Variants in PRRG1 observed in about 807,000 individuals in gnomAD.
PRRG1 encodes proline rich and Gla domain 1.
A neutral mutation model predicts 11.8 loss-of-function variants in PRRG1; 5 were observed. The observed-to-expected ratio is 0.42, with a 90% confidence interval of 0.22 to 0.89. The LOEUF is 0.89. Ranked by LOEUF, PRRG1 falls within the 40% of genes least tolerant of loss-of-function variation. The pLI is 0.28. For synonymous variants in PRRG1, 66 were observed against 60.4 expected, an observed-to-expected ratio of 1.09 and a Z score of -0.43; for missense variants, 155 against 166.1, an observed-to-expected ratio of 0.93 and a Z score of 0.37.
At chrX:37,409,005 A>G (rs1556382917) in intron 2 of PRRG1, among the ~76,000 whole-genome samples, 1 of 111,707 alleles carries the variant, frequency 9.0e-6, no homozygotes, top group Non-Finnish European at 1.9e-5. Flanking sequence ...TGACCTTTGA[A>G]CAATGTGGGG....
intron 3 of PRRG1, among the ~76,000 whole-genome samples, chrX:37,437,861 A>C (rs1932902820): frequency 9.0e-6 from 1 of 111,638 alleles, no homozygotes; most frequent in Admixed American, 9.5e-5. Context: ...AAAGGACAAG[A>C]AGCAGCAAAA....
At chrX:37,438,959 C>G (rs930893857) in intron 3 of PRRG1, among the ~76,000 whole-genome samples, 3 of 111,721 alleles carry the variant, frequency 2.7e-5, no homozygotes, top group Non-Finnish European at 3.8e-5. Context: ...GTACAGTCCC[C>G]TCTAGGGCAG....
At chrX:37,365,918 T>C (rs1295090559) in intron 1 of PRRG1, among the ~76,000 whole-genome samples, 1 of 112,070 alleles carries the variant, frequency 8.9e-6, no homozygotes, top group Non-Finnish European at 1.9e-5. Flanking sequence ...GGTGCCTGTA[T>C]TTTGAGTGAT....
intron 1 of PRRG1, among the ~76,000 whole-genome samples, chrX:37,366,497 G>A (rs782166732): frequency 1.7e-4 from 19 of 111,851 alleles, no homozygotes; most frequent in Non-Finnish European, 1.5e-4. Context: ...CTAGGGACTT[G>A]GGGAACTGAT....
intron 1 of PRRG1, among the ~76,000 whole-genome samples, chrX:37,384,773 A>G (rs782144439): frequency 2.7e-5 from 3 of 111,991 alleles, no homozygotes; most frequent in Non-Finnish European, 5.6e-5. Context: ...CTCAAGAGTA[A>G]CAAAGATGAA....
chrX:37,389,115 C>T (rs782317731), intron 1 of PRRG1, among the ~76,000 whole-genome samples: 21 of 111,552 alleles, frequency 1.9e-4, no homozygotes, highest in African/African-American at 6.9e-4. Flanking sequence ...GCCTTTGCTC[C>T]ATTTTCCAGT....
chrX:37,451,621 T>C (rs980618247), intron 3 of PRRG1, among the ~76,000 whole-genome samples: 1 of 111,532 alleles, frequency 9.0e-6, no homozygotes, highest in African/African-American at 3.3e-5. Flanking sequence ...TTCATCTGGA[T>C]TTTTAGGTGA....
At chrX:37,433,721 A>G (rs1556391208) in intron 3 of PRRG1, among the ~76,000 whole-genome samples, 13 of 112,411 alleles carry the variant, frequency 1.2e-4, no homozygotes, top group Non-Finnish European at 7.5e-5. Context: ...TGATGGATGA[A>G]TGAAGGAATG....
intron 1 of PRRG1, among the ~76,000 whole-genome samples, chrX:37,374,891 A>G (rs1930886775): frequency 9.0e-6 from 1 of 111,414 alleles, no homozygotes; most frequent in Non-Finnish European, 1.9e-5. Flanking sequence ...TTTTTTGTCA[A>G]AAGCTGGAAA....
At chrX:37,376,683 C>T (rs1281042627) in intron 1 of PRRG1, among the ~76,000 whole-genome samples, 1 of 102,224 alleles carries the variant, frequency 9.8e-6, no homozygotes, top group Non-Finnish European at 2.0e-5. Context: ...ACTGAATAAT[C>T]TCTTAGCAAC....
intron 1 of PRRG1, among the ~76,000 whole-genome samples, chrX:37,369,502 C>T (rs1930689464): frequency 1.8e-5 from 2 of 111,810 alleles, no homozygotes; most frequent in Admixed American, 1.9e-4. Context: ...TCTACTTTCT[C>T]AGCAATTTTC....
chrX:37,430,274 T>C (rs1383777673), intron 3 of PRRG1, among the ~76,000 whole-genome samples: 1 of 111,881 alleles, frequency 8.9e-6, no homozygotes, highest in Non-Finnish European at 1.9e-5. Context: ...AAATCACACA[T>C]ATGTATACAT....
At chrX:37,393,960 A>C (rs1162851044) in intron 1 of PRRG1, among the ~76,000 whole-genome samples, 1 of 112,189 alleles carries the variant, frequency 8.9e-6, no homozygotes, top group Non-Finnish European at 1.9e-5. Flanking sequence ...GTGAAAAGTC[A>C]TCGAGTTTTA....
intron 1 of PRRG1, among the ~76,000 whole-genome samples, chrX:37,400,923 G>C (rs1350874484): frequency 9.0e-6 from 1 of 111,110 alleles, no homozygotes; most frequent in Non-Finnish European, 1.9e-5. Context: ...ACCCTCCCAA[G>C]ACTAAACCAG....
At chrX:37,416,886 C>T (rs782102965) in intron 2 of PRRG1, among the ~76,000 whole-genome samples, 2 of 111,555 alleles carry the variant, frequency 1.8e-5, no homozygotes, top group East Asian at 2.8e-4. Flanking sequence ...GAATATATTG[C>T]GCCATTTCTC....
chrX:37,366,129 A>G (rs782251008), intron 1 of PRRG1, among the ~76,000 whole-genome samples: 35 of 112,374 alleles, frequency 3.1e-4, no homozygotes, highest in Non-Finnish European at 6.4e-4. Flanking sequence ...CTTGCTGTGC[A>G]GCACTCTGAC....
At chrX:37,406,169 C>G in intron 1 of PRRG1, 40 bp from the exon 2 acceptor site, 1 of 1,178,033 alleles carries the variant, frequency 8.5e-7, no homozygotes, top group Non-Finnish European at 1.2e-6. Flanking sequence ...CACTCAGCCT[C>G]TATCAATCTG....
At chrX:37,353,585 G>A (rs1187296723) in intron 1 of PRRG1, among the ~76,000 whole-genome samples, 2 of 111,772 alleles carry the variant, frequency 1.8e-5, no homozygotes, top group Non-Finnish European at 3.8e-5. Flanking sequence ...TTTCAGTCCT[G>A]CAGGCTCTAT....
At chrX:37,403,109 A>C (rs1602007004) in intron 1 of PRRG1, among the ~76,000 whole-genome samples, 1 of 109,243 alleles carries the variant, frequency 9.2e-6, no homozygotes, top group South Asian at 4.1e-4. Flanking sequence ...ATACCATTTG[A>C]CCCAGCCATC....
Sources: gnomAD v4.1 joint callset for allele counts (sites outside exome capture counted in the v4.1 genomes callset) on GRCh38, gnomAD v4.1.1 for gene constraint, MANE v1.5 for transcripts, NCBI Gene and HGNC (gene_info 2026-07-23, HGNC 2026-07-21) for gene names.